The following SPECC1L variants were observed in gnomAD, a reference collection of about 807,000 sequenced individuals.
The protein encoded by SPECC1L is cytospin-A.
A neutral mutation model predicts 116.8 loss-of-function variants in SPECC1L; 40 were observed. That is an observed-to-expected ratio of 0.34 (90% CI 0.27 to 0.45). The LOEUF (loss-of-function observed/expected upper bound fraction) is 0.45, where lower values mean the gene tolerates loss of function less well. SPECC1L is among the 20% of genes least tolerant of loss of function. SPECC1L has a pLI of 1.00. For missense variants in SPECC1L, 1,110 were observed against 1,373.6 expected (o/e 0.81, Z 3.03); for synonymous variants, 504 against 500.6 (o/e 1.01, Z -0.09).
rs938758826 is a variant in SPECC1L, at chr22:24,365,213, G to A, written c.2828-263G>A. ...AGTAGAGACAGGATTTCACCATGTT[G>A]GCCAGGCTGGTCTGGAACTCCTGAC... On this transcript the variant is annotated intron_variant, in intron 12 of 16. Transcript: ENST00000314328. Among the ~76,000 whole-genome samples, 15 of 152,054 alleles carry A rather than the reference G, an allele frequency of 9.9e-5. 1 individual carries two copies. Among genetic ancestry groups the A allele is most frequent in the Admixed American group, 1.3e-4 (2 of 15,268 alleles).
chr22:24,293,770 G>GTGC, intron 2 of SPECC1L, among the ~76,000 whole-genome samples: 1 of 133,158 alleles, frequency 7.5e-6, no homozygotes, highest in East Asian at 2.2e-4. Context: ...GGAATGTGTG[G>GTGC]TGCTGACTTG....
intron 9 of SPECC1L, among the ~76,000 whole-genome samples, chr22:24,336,844 A>C (rs181978219): frequency 1.4e-4 from 21 of 152,316 alleles, no homozygotes; most frequent in South Asian, 8.3e-4. Flanking sequence ...ACGATGCTTT[A>C]ACTTTTGATT....
chr22:24,293,493 T>C (rs2049197585), intron 2 of SPECC1L, among the ~76,000 whole-genome samples: 1 of 152,100 alleles, frequency 6.6e-6, no homozygotes, highest in African/African-American at 2.4e-5. Flanking sequence ...AACAGTAGCT[T>C]AGCAGCAGTT....
chr22:24,307,287 C>T (rs752830471), intron 3 of SPECC1L, among the ~76,000 whole-genome samples: 2 of 152,182 alleles, frequency 1.3e-5, no homozygotes, highest in African/African-American at 4.8e-5. Flanking sequence ...CCAATTTTTT[C>T]GCGTCCTCTG....
intron 14 of SPECC1L, among the ~76,000 whole-genome samples, chr22:24,374,852 A>G (rs1317548561): frequency 6.6e-6 from 1 of 152,150 alleles, no homozygotes; most frequent in African/African-American, 2.4e-5. Context: ...TTAGAGCCAA[A>G]ATAAATAAAA....
In SPECC1L at chr22:24,333,595, T is replaced by G. The variant is rs147370361; in HGVS notation, c.2397-815T>G. 4.2e-3 allele frequency among the ~76,000 whole-genome samples: 638 copies of G among 151,918 alleles called. 4 individuals carry two copies. Among genetic ancestry groups the G allele is most frequent in the African/African-American group, 0.015 (602 of 41,454 alleles). Reference sequence around the variant, plus strand: ...TTTCTTTGTAGAATTCTATTTGAAGTCTACACCACTTGCCTTGTTTTTATT... The same window carrying G: ...TTTCTTTGTAGAATTCTATTTGAAGGCTACACCACTTGCCTTGTTTTTATT... On this transcript the variant is annotated intron_variant, in intron 8 of 16. Coordinates refer to ENST00000314328, the MANE Select transcript of SPECC1L (RefSeq NM_015330.6).
chr22:24,333,558 CTTT>C, intron 8 of SPECC1L, among the ~76,000 whole-genome samples: 1 of 135,464 alleles, frequency 7.4e-6, no homozygotes. Context: ...TGGGTCTAGG[CTTT>C]TTTTTTTTTT....
At chr22:24,356,876 G>A (rs1399536049) in intron 11 of SPECC1L, among the ~76,000 whole-genome samples, 1 of 151,916 alleles carries the variant, frequency 6.6e-6, no homozygotes, top group South Asian at 2.1e-4. Context: ...CTTTATTGGC[G>A]TCCACATAAC....
At chr22:24,330,117 T>C in intron 7 of SPECC1L, 139 bp from the exon 8 acceptor site, 1 of 818,760 alleles carries the variant, frequency 1.2e-6, no homozygotes, top group South Asian at 1.7e-5. Flanking sequence ...ATACTAGCAA[T>C]TCTCTGGGAT....
chr22:24,317,493 C>G (rs1476879441), intron 4 of SPECC1L, among the ~76,000 whole-genome samples: 3 of 132,500 alleles, frequency 2.3e-5, no homozygotes, highest in African/African-American at 7.9e-5. Context: ...GCTGACCCCC[C>G]CACCTCCCTC....
chr22:24,295,983 T>C (rs1440461219), intron 2 of SPECC1L, among the ~76,000 whole-genome samples: 3 of 152,140 alleles, frequency 2.0e-5, no homozygotes, highest in Non-Finnish European at 4.4e-5. Context: ...GATGACAACA[T>C]TGGACAAGTA....
intron 4 of SPECC1L, among the ~76,000 whole-genome samples, chr22:24,319,896 A>G (rs962703763): frequency 6.6e-6 from 1 of 152,200 alleles, no homozygotes; most frequent in Admixed American, 6.5e-5. Context: ...TTATTTTTTA[A>G]CATAAAAATT....
intron 14 of SPECC1L, among the ~76,000 whole-genome samples, chr22:24,390,867 C>CTTTTTTTTTTTTTTTT (rs1556306072): frequency 4.7e-3 from 225 of 47,472 alleles, no homozygotes; most frequent in Non-Finnish European, 5.3e-3. Flanking sequence ...TTTTTTTTTT[C>CTTTTTTTTTTTTTTTT]TTTTCTTTTT....
chr22:24,350,648 C>T (rs1485013991), intron 11 of SPECC1L, among the ~76,000 whole-genome samples: 4 of 151,642 alleles, frequency 2.6e-5, no homozygotes, highest in Non-Finnish European at 5.9e-5. Flanking sequence ...CAAGTTGTGT[C>T]CTAGGCATCT....
intron 14 of SPECC1L, among the ~76,000 whole-genome samples, chr22:24,379,562 A>G (rs1276388600): frequency 6.6e-6 from 1 of 152,204 alleles, no homozygotes; most frequent in African/African-American, 2.4e-5. Context: ...AATAATTTGA[A>G]GTTTTTTCCA....
intron 4 of SPECC1L, among the ~76,000 whole-genome samples, chr22:24,315,437 G>T (rs920601275): frequency 1.3e-5 from 2 of 152,270 alleles, no homozygotes; most frequent in Non-Finnish European, 2.9e-5. Flanking sequence ...ATTTATTGGG[G>T]ATCTGTTTTG....
At chr22:24,375,896 G>A (rs1350637990) in intron 14 of SPECC1L, among the ~76,000 whole-genome samples, 1 of 152,062 alleles carries the variant, frequency 6.6e-6, no homozygotes, top group African/African-American at 2.4e-5. Context: ...GTTGCAGTGA[G>A]CTGATAACAC....
intron 2 of SPECC1L, among the ~76,000 whole-genome samples, chr22:24,290,122 CG>C (rs145190783): frequency 0.025 from 3,774 of 152,310 alleles, 71 homozygotes; most frequent in African/African-American, 0.051. Flanking sequence ...GCCACTCAGG[CG>C]TGACTGAGCA....
intron 1 of SPECC1L, among the ~76,000 whole-genome samples, chr22:24,271,871 C>T (rs1386652639): frequency 6.6e-6 from 1 of 152,322 alleles, no homozygotes; most frequent in East Asian, 1.9e-4. Context: ...AAAAGAGCCT[C>T]TTAAGCCATG....
Sources: gnomAD v4.1 joint callset for allele counts (sites outside exome capture counted in the v4.1 genomes callset) on GRCh38, gnomAD v4.1.1 for gene constraint, MANE v1.5 for transcripts, NCBI Gene and HGNC (gene_info 2026-07-23, HGNC 2026-07-21) for gene names.